KCNU1: variants seen among roughly 807,000 people sequenced by gnomAD.
The protein encoded by KCNU1 is potassium calcium-activated channel subfamily U member 1.
Under a neutral mutation model 126.8 loss-of-function variants are expected in KCNU1, and 93 were observed. The ratio of observed to expected loss-of-function variants is 0.73; its 90% CI spans 0.62 to 0.87. The LOEUF is 0.87. KCNU1 is among the 40% of genes least tolerant of loss of function. KCNU1 has a pLI of 0.00. For missense variants in KCNU1, 1,330 were observed against 1,367.1 expected (o/e 0.97, Z 0.43); for synonymous variants, 523 against 494.2 (o/e 1.06, Z -0.77).
intron 2 of KCNU1, among the ~76,000 whole-genome samples, chr8:36,803,371 C>T (rs967393827): frequency 2.0e-5 from 3 of 152,138 alleles, no homozygotes; most frequent in South Asian, 4.2e-4. Context: ...CTAAAATTAA[C>T]CTCAAATATC....
At chr8:36,891,434 G>C (rs942990752) in intron 19 of KCNU1, among the ~76,000 whole-genome samples, 7 of 151,926 alleles carry the variant, frequency 4.6e-5, no homozygotes, top group Non-Finnish European at 5.9e-5. Context: ...AGTCAGACAA[G>C]ATAATACAAA....
At chr8:36,835,398 G>A (rs1199767339) in intron 12 of KCNU1, among the ~76,000 whole-genome samples, 1 of 151,670 alleles carries the variant, frequency 6.6e-6, no homozygotes, top group Non-Finnish European at 1.5e-5. Context: ...GTGCTGGAGG[G>A]CAGTGGCGTG....
chr8:36,906,619 T>C (rs1563328262), intron 20 of KCNU1, among the ~76,000 whole-genome samples: 4 of 152,198 alleles, frequency 2.6e-5, no homozygotes. Flanking sequence ...TATGACTAAT[T>C]GATACTTATA....
chr8:36,804,112 T>A (rs1279737075), intron 3 of KCNU1, 24 bp downstream of exon 3: 1 of 1,469,148 alleles, frequency 6.8e-7, no homozygotes, highest in Non-Finnish European at 9.3e-7. Flanking sequence ...CCAGTCACAC[T>A]TGTCTGCTAT....
In KCNU1 at chr8:36,864,435, G is replaced by C; in HGVS notation, c.1923G>C (p.Leu641=). 1 of 1,611,888 alleles carries C rather than the reference G, an allele frequency of 6.2e-7. No homozygotes were observed. Among genetic ancestry groups the C allele is most frequent in the Non-Finnish European group, 8.5e-7 (1 of 1,178,136 alleles). Residue 641 remains leucine (L), a synonymous_variant, in exon 19 of 27, where the codon CTG becomes CTC. Coordinates refer to ENST00000399881, the MANE Select transcript of KCNU1 (RefSeq NM_001031836.3). ...VPSVKRMKKC[L]KGISSRISGQ... is the part of the protein sequence containing the mutation. Reference sequence around the variant, plus strand: ...CGGTAAAGAGAATGAAAAAATGTCTGAAGGGAATCTCCTCTCGTATATCAG... The same window carrying C: ...CGGTAAAGAGAATGAAAAAATGTCTCAAGGGAATCTCCTCTCGTATATCAG...
chr8:36,867,460 G>A (rs1414576440), intron 19 of KCNU1, among the ~76,000 whole-genome samples: 2 of 152,158 alleles, frequency 1.3e-5, no homozygotes, highest in Non-Finnish European at 2.9e-5. Context: ...TATTGTGCAT[G>A]CATGCATGTG....
intron 19 of KCNU1, among the ~76,000 whole-genome samples, chr8:36,883,114 A>G (rs1346138198): frequency 3.9e-5 from 6 of 152,158 alleles, no homozygotes; most frequent in African/African-American, 1.4e-4. Context: ...TTGTCTCATG[A>G]GAGGTTAAAA....
In KCNU1 at chr8:36,871,731, G is replaced by C. The variant is rs181893004; in HGVS notation, c.2009+7210G>C. Among the ~76,000 whole-genome samples the C allele has an allele frequency of 5.8e-3, 878 of 152,208 alleles. 3 individuals carry two copies. Among genetic ancestry groups the C allele is most frequent in the Middle Eastern group, 0.014 (4 of 294 alleles). On this transcript the variant is annotated intron_variant, in intron 19 of 26. Transcript: ENST00000399881. ...GAATTACGGGTATGGAAATTGATTT[G>C]GCTGGGTGCTAAGATGAGGAAGTGG...
chr8:36,789,007 A>G (rs767126958), intron 2 of KCNU1, among the ~76,000 whole-genome samples: 11 of 152,236 alleles, frequency 7.2e-5, no homozygotes, highest in Admixed American at 2.0e-4. Flanking sequence ...AGCCTATAAC[A>G]GCTGGTGATT....
chr8:36,807,606 C>T (rs1803552682), intron 6 of KCNU1, among the ~76,000 whole-genome samples, 156 bp downstream of exon 6: 1 of 152,110 alleles, frequency 6.6e-6, no homozygotes, highest in African/African-American at 2.4e-5. Flanking sequence ...TTCACATTCT[C>T]CCATTATATT....
intron 14 of KCNU1, among the ~76,000 whole-genome samples, chr8:36,840,096 A>C (rs1043047554): frequency 1.3e-5 from 2 of 152,210 alleles, no homozygotes; most frequent in Non-Finnish European, 2.9e-5. Flanking sequence ...TTGAGTAGTC[A>C]TATCCAGAGA....
chr8:36,865,159 T>A, intron 19 of KCNU1, among the ~76,000 whole-genome samples: 1 of 152,130 alleles, frequency 6.6e-6, no homozygotes, highest in East Asian at 1.9e-4. Context: ...TATCTAAGGG[T>A]AAATATATTA....
intron 24 of KCNU1, chr8:36,929,036 G>A (rs1307058039): frequency 1.4e-6 from 1 of 698,956 alleles, no homozygotes; most frequent in Admixed American, 2.0e-5. Context: ...TGCAAGCAAT[G>A]CTAAAAGGTA....
intron 18 of KCNU1, among the ~76,000 whole-genome samples, chr8:36,858,845 CA>C (rs1805627452): frequency 6.6e-6 from 1 of 152,144 alleles, no homozygotes; most frequent in Non-Finnish European, 1.5e-5. Context: ...ATGAGACTTT[CA>C]ATTTTCAATC....
intron 19 of KCNU1, among the ~76,000 whole-genome samples, chr8:36,893,143 T>TG (rs1285562703): frequency 1.7e-5 from 2 of 119,056 alleles, no homozygotes; most frequent in Non-Finnish European, 3.7e-5. Flanking sequence ...TGTTTTTTTT[T>TG]GTTTTTTTTT....
At chr8:36,820,307 C>T (rs1804075703) in intron 10 of KCNU1, among the ~76,000 whole-genome samples, 3 of 152,074 alleles carry the variant, frequency 2.0e-5, no homozygotes, top group Non-Finnish European at 4.4e-5. Context: ...AAGTGGTACT[C>T]GAAGGGTGCT....
chr8:36,929,008 G>A (rs930846159), intron 24 of KCNU1: 9 of 700,020 alleles, frequency 1.3e-5, no homozygotes, highest in African/African-American at 1.0e-4. Flanking sequence ...AATGTGTGCA[G>A]TATATTTTAC....
Position 36,845,681 on chromosome 8 carries a change from A to G in KCNU1, c.1793+12A>G. The G allele has an allele frequency of 6.3e-7, 1 of 1,576,596 alleles. No individual in the cohort carries two copies. Among genetic ancestry groups the G allele is most frequent in the Non-Finnish European group, 8.7e-7 (1 of 1,146,006 alleles). ...AAGGACGTCAGAAGGTAATTTTATT[A>G]TTTTATGGGGGAAAAGCACTAAAGC... On this transcript the variant is annotated intron_variant, in intron 17 of 26. Transcript: ENST00000399881.
At chr8:36,919,507 T>G (rs1808261669) in intron 23 of KCNU1, among the ~76,000 whole-genome samples, 1 of 149,752 alleles carries the variant, frequency 6.7e-6, no homozygotes, top group Non-Finnish European at 1.5e-5. Flanking sequence ...AAAACTTCCC[T>G]AGGCACGAGG....
Sources: gnomAD v4.1 joint callset for allele counts (sites outside exome capture counted in the v4.1 genomes callset) on GRCh38, gnomAD v4.1.1 for gene constraint, MANE v1.5 for transcripts, NCBI Gene and HGNC (gene_info 2026-07-23, HGNC 2026-07-21) for gene names.